The following CTNND2 variants were observed in gnomAD, a reference collection of about 807,000 sequenced individuals.
The protein encoded by CTNND2 is catenin delta 2.
A neutral mutation model predicts 144.4 loss-of-function variants in CTNND2; 22 were observed. That is an observed-to-expected ratio of 0.15 (90% CI 0.11 to 0.22). The LOEUF is 0.22. Among genes scored for constraint, CTNND2 ranks in the 10% least tolerant of loss-of-function variants. CTNND2 has a pLI of 1.00. For missense variants in CTNND2, 1,353 were observed against 1,618.8 expected, an observed-to-expected ratio of 0.84 and a Z score of 2.82; for synonymous variants, 751 against 695.6, an observed-to-expected ratio of 1.08 and a Z score of -1.25.
chr5:11,498,670 G>A (rs1235860756), intron 3 of CTNND2, among the ~76,000 whole-genome samples: 1 of 152,114 alleles, frequency 6.6e-6, no homozygotes, highest in African/African-American at 2.4e-5. Context: ...TAAAATGCTG[G>A]CAGTTAAAGC....
At chr5:11,677,995 T>A (rs1222835007) in intron 2 of CTNND2, among the ~76,000 whole-genome samples, 2 of 152,148 alleles carry the variant, frequency 1.3e-5, no homozygotes, top group African/African-American at 4.8e-5. Context: ...AAACAGGTAG[T>A]GAACCAAAAA....
In CTNND2 at chr5:11,361,017, T is replaced by C. The variant is rs149753760; in HGVS notation, c.1372+3679A>G. Among the ~76,000 whole-genome samples, 38 of 152,116 alleles carry C rather than the reference T, an allele frequency of 2.5e-4. No individual in the cohort carries two copies. The East Asian group carries it at 6.7e-3, about 27-fold the overall frequency. On this transcript the variant is annotated intron_variant, in intron 8 of 21. Coordinates refer to ENST00000304623, the MANE Select transcript of CTNND2 (RefSeq NM_001332.4). ...GGTAAGACTGCCTACGTATGAAAGT[T>C]TGTTTATTTATTTATTTATTTAGAT... is the stretch of plus-strand genomic sequence containing the variant.
intron 10 of CTNND2, among the ~76,000 whole-genome samples, chr5:11,229,489 C>G (rs1296908584): frequency 1.3e-5 from 2 of 152,092 alleles, no homozygotes; most frequent in African/African-American, 4.8e-5. Flanking sequence ...CACCACTGCA[C>G]TCCAGCCTGG....
At chr5:11,509,357 T>TAA (rs35004088) in intron 3 of CTNND2, among the ~76,000 whole-genome samples, 1 of 152,046 alleles carries the variant, frequency 6.6e-6, no homozygotes, top group South Asian at 2.1e-4. Context: ...TGTGGAACTA[T>TAA]AAAAAAACCC....
chr5:11,278,623 G>A (rs1580780060), intron 9 of CTNND2, among the ~76,000 whole-genome samples: 1 of 152,198 alleles, frequency 6.6e-6, no homozygotes, highest in East Asian at 1.9e-4. Flanking sequence ...GACAGGGGGA[G>A]GGGATGTGGC....
At chr5:11,111,256 A>T (rs146271342) in intron 13 of CTNND2, among the ~76,000 whole-genome samples, 4 of 152,268 alleles carry the variant, frequency 2.6e-5, no homozygotes, top group African/African-American at 4.8e-5. Context: ...CAAATAAATG[A>T]CTTATCAGCA....
intron 1 of CTNND2, among the ~76,000 whole-genome samples, chr5:11,791,134 C>T (rs1791114691): frequency 6.6e-6 from 1 of 152,176 alleles, no homozygotes; most frequent in South Asian, 2.1e-4. Context: ...CTGGAAGAGG[C>T]ATGAATCCTC....
intron 2 of CTNND2, among the ~76,000 whole-genome samples, chr5:11,582,022 A>C (rs957759355): frequency 6.6e-6 from 1 of 152,220 alleles, no homozygotes; most frequent in African/African-American, 2.4e-5. Context: ...TTACTGACCA[A>C]GGACTGAGAT....
intron 3 of CTNND2, among the ~76,000 whole-genome samples, chr5:11,534,534 G>A (rs942602551): frequency 2.6e-5 from 4 of 152,030 alleles, no homozygotes; most frequent in East Asian, 1.9e-4. Context: ...GAACCCGGGA[G>A]GTGGAGGCTG....
chr5:11,358,295 C>T (rs1650358724), intron 8 of CTNND2, among the ~76,000 whole-genome samples: 1 of 152,166 alleles, frequency 6.6e-6, no homozygotes, highest in Non-Finnish European at 1.5e-5. Flanking sequence ...AACACTCTGT[C>T]TTCCTTCAAC....
intron 9 of CTNND2, among the ~76,000 whole-genome samples, chr5:11,238,959 G>T (rs933295053): frequency 1.3e-5 from 2 of 152,208 alleles, no homozygotes; most frequent in African/African-American, 4.8e-5. Context: ...AACCACGTCT[G>T]CAAGGCTCAG....
intron 5 of CTNND2, among the ~76,000 whole-genome samples, chr5:11,399,054 T>C (rs994450216): frequency 2.0e-5 from 3 of 152,212 alleles, no homozygotes; most frequent in African/African-American, 7.2e-5. Flanking sequence ...GGCTTTACCC[T>C]TTGTCCCTCC....
chr5:11,640,951 T>G (rs1487329553), intron 2 of CTNND2, among the ~76,000 whole-genome samples: 1 of 152,186 alleles, frequency 6.6e-6, no homozygotes, highest in African/African-American at 2.4e-5. Context: ...ATTTGACTTT[T>G]ACTGAGTATA....
chr5:11,509,424 T>C (rs1389839863), intron 3 of CTNND2, among the ~76,000 whole-genome samples: 1 of 152,002 alleles, frequency 6.6e-6, no homozygotes, highest in African/African-American at 2.4e-5. Context: ...AAAACAGCTT[T>C]ATATTTCCCA....
rs186956092 is a variant in CTNND2, at chr5:11,718,393, C to T, written c.174+13743G>A. On this transcript the variant is annotated intron_variant, in intron 2 of 21. Transcript: ENST00000304623. ...TACTGGTCATCTGTGGCTCTGAGCTCCCGCTTCTGTAGGAAATATCTCCTT... is the reference window on the plus strand; with the variant it reads ...TACTGGTCATCTGTGGCTCTGAGCTTCCGCTTCTGTAGGAAATATCTCCTT... Among the ~76,000 whole-genome samples the T allele has an allele frequency of 4.1e-4, 63 of 152,246 alleles. 1 individual carries two copies. The highest frequency in any genetic ancestry group is 1.4e-3 in the Admixed American group (22 of 15,284).
intron 17 of CTNND2, among the ~76,000 whole-genome samples, chr5:11,022,360 C>A (rs183365093): frequency 6.6e-5 from 10 of 152,256 alleles, no homozygotes; most frequent in African/African-American, 1.4e-4. Context: ...TCTCCTCCCC[C>A]ATCCTTCCTG....
chr5:11,572,166 C>T (rs770190763), intron 2 of CTNND2, among the ~76,000 whole-genome samples: 2 of 152,092 alleles, frequency 1.3e-5, no homozygotes, highest in African/African-American at 4.8e-5. Context: ...GAATCTAAAA[C>T]GCCCCAGGTC....
chr5:11,319,006 C>A (rs258847), intron 9 of CTNND2, among the ~76,000 whole-genome samples: 9,452 of 151,994 alleles, frequency 0.062, 991 homozygotes, highest in African/African-American at 0.22. Context: ...ATATTTAACT[C>A]AAATTACTCT....
intron 1 of CTNND2, among the ~76,000 whole-genome samples, chr5:11,821,876 T>G (rs964703120): frequency 6.6e-6 from 1 of 152,208 alleles, no homozygotes; most frequent in Non-Finnish European, 1.5e-5. Flanking sequence ...CTCCATATAC[T>G]GAAACCATTT....
Sources: allele counts gnomAD v4.1 joint callset (sites outside exome capture counted in the v4.1 genomes callset), GRCh38; gene constraint gnomAD v4.1.1; transcripts MANE v1.5; gene names NCBI Gene and HGNC (gene_info 2026-07-23, HGNC 2026-07-21).